PANK1: variants seen among roughly 807,000 people sequenced by gnomAD.
PANK1 encodes the protein pantothenic acid kinase 1.
Under a neutral mutation model 40.1 loss-of-function variants are expected in PANK1, and 18 were observed. The ratio of observed to expected loss-of-function variants is 0.45; its 90% CI spans 0.31 to 0.67. The LOEUF is 0.67. Among genes scored for constraint, PANK1 ranks in the 30% least tolerant of loss-of-function variants. PANK1 has a pLI of 0.06. For synonymous variants in PANK1, 242 were observed against 237.7 expected (o/e 1.02, Z -0.17); for missense variants, 457 against 599.6 (o/e 0.76, Z 2.48).
intron 6 of PANK1, among the ~76,000 whole-genome samples, chr10:89,586,244 T>C (rs1335891596): frequency 6.6e-6 from 1 of 152,250 alleles, no homozygotes; most frequent in East Asian, 1.9e-4. Context: ...GGGCACCCTG[T>C]ATTTTTTATT....
In PANK1 at chr10:89,644,763, C is replaced by T; in HGVS notation, c.129G>A (p.Pro43=). Residue 43 remains proline, a synonymous_variant, in exon 1 of 7, where the codon CCG becomes CCA. Transcript: ENST00000307534. The part of the protein sequence containing the change: ...NGFHPPPVQP[P]HVCSRGPVGG... Reference sequence around the variant, plus strand: ...CCACTGGACCCCGGCTGCAGACGTGCGGCGGCTGGACTGGCGGCGGATGGA... The same window carrying T: ...CCACTGGACCCCGGCTGCAGACGTGTGGCGGCTGGACTGGCGGCGGATGGA... 1 of 1,508,808 alleles carries T rather than the reference C, an allele frequency of 6.6e-7. No individual in the cohort carries two copies. The highest frequency in any genetic ancestry group is 8.8e-7 in the Non-Finnish European group (1 of 1,135,562). 93.5% of individuals were successfully genotyped at this position (1,508,808 alleles called of 1,614,324 possible).
At chr10:89,643,693 T>G (rs1363789862) in intron 1 of PANK1, 1 of 1,608,754 alleles carries the variant, frequency 6.2e-7, no homozygotes. Flanking sequence ...TTTACTGTAC[T>G]TACTTTGCTT....
Position 89,611,799 on chromosome 10 carries a change from T to C in PANK1, c.542A>G (p.His181Arg). ...HFIRFPSCAM[H>R]RFIQMGSEKN... The stretch of plus-strand genomic sequence containing the variant: ...CTCGCTGCCCATCTGAATGAACCTG[T>C]GCATAGCACAGCTGGGAAAGCGGAT... The change falls in exon 2 of 7, where the codon CAC (histidine) becomes CGC (arginine). Residue 181 changes from histidine to arginine, a missense_variant. Physicochemically the swap from His to Arg is conservative, Grantham distance 29. Around this residue, in one of 4 missense-constraint regions of PANK1, gnomAD observed 286 missense variants for 415.8 expected, o/e 0.69. Coordinates refer to ENST00000307534, the MANE Select transcript of PANK1 (RefSeq NM_148977.3). The C allele has an allele frequency of 6.2e-7, 1 of 1,614,200 alleles. No individual in the cohort carries two copies. The highest frequency in any genetic ancestry group is 8.5e-7 in the Non-Finnish European group (1 of 1,180,022).
chr10:89,629,112 T>C (rs1363700049), intron 1 of PANK1, among the ~76,000 whole-genome samples: 1 of 152,146 alleles, frequency 6.6e-6, no homozygotes, highest in Admixed American at 6.6e-5. Flanking sequence ...AAAATAAAAT[T>C]AAAAAAGAAG....
intron 1 of PANK1, among the ~76,000 whole-genome samples, chr10:89,643,337 C>T (rs1035970412): frequency 6.6e-6 from 1 of 152,100 alleles, no homozygotes; most frequent in Admixed American, 6.5e-5. Flanking sequence ...AAAACAAAAG[C>T]AAATAAAAAT....
rs774083879 is a variant in PANK1, at chr10:89,611,742, C to T, written c.599G>A (p.Cys200Tyr). ...KNFSSLHTTL[C>Y]ATGGGAFKFE... ...TTTGAAAGCCCCGCCTCCTGTGGCA[C>T]AGAGGGTGGTGTGAAGGCTAGAGAA... The change falls in exon 2 of 7, where the codon TGT becomes TAT. Residue 200 changes from cysteine (C) to tyrosine (Y), a missense_variant. Physicochemically the swap from Cys to Tyr is radical, Grantham distance 194. This residue lies in a region of PANK1 where 286 missense variants were observed against 415.8 expected (regional missense o/e 0.69). Transcript: ENST00000307534. The T allele has an allele frequency of 6.2e-7, 1 of 1,613,838 alleles. No individual in the cohort carries two copies. The highest frequency in any genetic ancestry group is 8.5e-7 in the Non-Finnish European group (1 of 1,179,804).
At position 89,599,292 on chromosome 10, in the gene PANK1, C is replaced by T. The variant is rs1221617031; in HGVS notation, c.859G>A (p.Val287Met). 1.1e-5 allele frequency: 17 copies of T among 1,613,648 alleles called. No individual in the cohort carries two copies. Among genetic ancestry groups the T allele is most frequent in the South Asian group, 1.1e-5 (1 of 91,090 alleles). ...NMGSGVSILA[V>M]YSKDNYKRVT... ...CTTTTATAGTTGTCCTTGGAGTACA[C>T]GGCTAGAATGCTGACACCTGAGCCC... is the stretch of plus-strand genomic sequence containing the variant. The change falls in exon 3 of 7, where the codon GTG becomes ATG. Residue 287 changes from valine to methionine, a missense_variant. Physicochemically the swap from Val to Met is conservative, Grantham distance 21 (BLOSUM62 1). Transcript: ENST00000307534.
At chr10:89,625,761 G>T (rs1429820230) in intron 1 of PANK1, 1 of 151,890 alleles carries the variant, frequency 6.6e-6, no homozygotes, top group Non-Finnish European at 1.5e-5. Context: ...AAAAGCTCTT[G>T]CAGGGGCAAA....
At position 89,584,448 on chromosome 10, in the gene PANK1, A is replaced by C. The variant is rs773443724; in HGVS notation, c.1344T>G (p.Val448=). ...FLEHEGYFGA[V]GALLELFKMT... ...TTTTGAACAGTTCCAACAGTGCCCCAACGGCTCCAAAATAACCCTACGAAA... is the reference window on the plus strand; with the variant it reads ...TTTTGAACAGTTCCAACAGTGCCCCCACGGCTCCAAAATAACCCTACGAAA... Residue 448 remains valine, a synonymous_variant, in exon 7 of 7, where the codon GTT becomes GTG. Coordinates refer to ENST00000307534, the MANE Select transcript of PANK1 (RefSeq NM_148977.3). 1.7e-5 allele frequency: 27 copies of C among 1,607,986 alleles called. No homozygotes were observed. Among genetic ancestry groups the C allele is most frequent in the Non-Finnish European group, 2.2e-5 (26 of 1,174,566 alleles).
chr10:89,610,383 T>A lies in PANK1; in HGVS notation c.645+1313A>T, dbSNP rs528843431. ...AAAACTCTTTGATCATGAGCCTCTT[T>A]GGTGAGAAAAGGATTCTGTGGGTCA... is the stretch of plus-strand genomic sequence containing the variant. On this transcript the variant is annotated intron_variant, in intron 2 of 6. Transcript: ENST00000307534. 3.3e-5 allele frequency among the ~76,000 whole-genome samples: 5 copies of A among 152,224 alleles called. No homozygotes were observed. The South Asian group carries it at 1.0e-3, about 32-fold the overall frequency.
chr10:89,614,131 A>C, intron 1 of PANK1: 1 of 422,874 alleles, frequency 2.4e-6, no homozygotes, highest in Non-Finnish European at 4.7e-6. Context: ...ATGGCATGTT[A>C]ACAAGTGCCT....
At position 89,593,340 on chromosome 10, in the gene PANK1, G is replaced by A. The variant is rs114351109; in HGVS notation, c.1077-20C>T. 1.9e-3 allele frequency: 3,009 copies of A among 1,611,910 alleles called. 24 individuals are homozygous for A. The African/African-American group carries it at 0.025, about 13-fold the overall frequency. ...CCAAAGCTATGTTGGAAATATCAGC[G>A]AGAGTGTTCAAAATCGTCCTCAGGC... On this transcript the variant is annotated intron_variant, in intron 4 of 6. Transcript: ENST00000307534.
chr10:89,642,244 T>C (rs917602549), intron 1 of PANK1, among the ~76,000 whole-genome samples: 3 of 152,256 alleles, frequency 2.0e-5, no homozygotes, highest in Non-Finnish European at 4.4e-5. Flanking sequence ...TGATCTGTTT[T>C]ATTCCATCCA....
intron 2 of PANK1, among the ~76,000 whole-genome samples, chr10:89,608,283 G>A (rs189208943): frequency 7.8e-4 from 119 of 151,906 alleles, no homozygotes; most frequent in African/African-American, 2.5e-3. Context: ...CACCCACCTC[G>A]GCCCCCCAAA....
At chr10:89,592,329 G>A (rs1844420115) in intron 5 of PANK1, among the ~76,000 whole-genome samples, 1 of 152,160 alleles carries the variant, frequency 6.6e-6, no homozygotes, top group South Asian at 2.1e-4. Flanking sequence ...CTATTCAACT[G>A]AGAGGGGGCT....
At chr10:89,636,602 C>T (rs1468869728) in intron 1 of PANK1, among the ~76,000 whole-genome samples, 1 of 151,896 alleles carries the variant, frequency 6.6e-6, no homozygotes, top group African/African-American at 2.4e-5. Flanking sequence ...CAGGCGCATG[C>T]CACCATGCCT....
intron 1 of PANK1, among the ~76,000 whole-genome samples, chr10:89,630,647 C>T (rs1027697445): frequency 2.6e-5 from 4 of 152,080 alleles, no homozygotes; most frequent in African/African-American, 7.2e-5. Flanking sequence ...CACCCGTCAC[C>T]TCGCCCGGCT....
chr10:89,601,131 T>G (rs1336012920), intron 2 of PANK1, among the ~76,000 whole-genome samples: 1 of 152,020 alleles, frequency 6.6e-6, no homozygotes, highest in Non-Finnish European at 1.5e-5. Context: ...ACACAAGTAC[T>G]AGACTCAGAT....
At chr10:89,613,752 C>G (rs1428333503) in intron 1 of PANK1, among the ~76,000 whole-genome samples, 2 of 152,176 alleles carry the variant, frequency 1.3e-5, no homozygotes, top group Non-Finnish European at 2.9e-5. Context: ...AACTGGTCAT[C>G]CTCATTTGTT....
Sources: allele counts gnomAD v4.1 joint callset (sites outside exome capture counted in the v4.1 genomes callset), GRCh38; gene constraint gnomAD v4.1.1; regional missense constraint gnomAD v4.1.1; transcripts MANE v1.5; gene names NCBI Gene and HGNC (gene_info 2026-07-23, HGNC 2026-07-21).